Variants in ARHGEF26 observed in about 807,000 individuals in gnomAD.
ARHGEF26 encodes the protein Rho guanine nucleotide exchange factor (GEF) 26.
ARHGEF26 carries 59 observed loss-of-function variants against 89.4 expected under a neutral mutation model. The ratio of observed to expected loss-of-function variants is 0.66; its 90% CI spans 0.54 to 0.82. The LOEUF is 0.82. Among genes scored for constraint, ARHGEF26 ranks in the 40% least tolerant of loss-of-function variants. The pLI, the probability that ARHGEF26 is intolerant of heterozygous loss-of-function variation, is 0.00. For missense variants in ARHGEF26, 1,234 were observed against 1,085.6 expected, an observed-to-expected ratio of 1.14 and a Z score of -1.92; for synonymous variants, 500 against 428.4, an observed-to-expected ratio of 1.17 and a Z score of -2.06.
In ARHGEF26 at chr3:154,254,105, CG is replaced by C. The variant is rs369214811; in HGVS notation, c.2369-611del. ...TAATTTTTTGTATTTTTAGTAGAGA[CG>C]GGGTTTCACCGTGTTAGCCAGGATG... is the stretch of plus-strand genomic sequence containing the variant. On this transcript the variant is annotated intron_variant, in intron 13 of 14. Coordinates refer to ENST00000465093, the MANE Select transcript of ARHGEF26 (RefSeq NM_015595.4). Among the ~76,000 whole-genome samples the C allele has an allele frequency of 1.5e-3, 228 of 152,164 alleles. 1 individual carries two copies. The highest frequency in any genetic ancestry group is 5.4e-3 in the African/African-American group (224 of 41,522).
intron 4 of ARHGEF26, among the ~76,000 whole-genome samples, 168 bp downstream of exon 4, chr3:154,129,887 A>C (rs1401669628): frequency 6.6e-6 from 1 of 152,228 alleles, no homozygotes; most frequent in African/African-American, 2.4e-5. Flanking sequence ...TAATGAGAAC[A>C]TGAACTTTGA....
chr3:154,143,156 GTTTATTA>G (rs968171971), intron 4 of ARHGEF26, among the ~76,000 whole-genome samples: 2 of 152,086 alleles, frequency 1.3e-5, no homozygotes, highest in African/African-American at 4.8e-5. Flanking sequence ...GCCAAGACAT[GTTTATTA>G]CAGAAAAATC....
chr3:154,155,818 A>G (rs1402567362), intron 6 of ARHGEF26, among the ~76,000 whole-genome samples: 3 of 151,970 alleles, frequency 2.0e-5, no homozygotes, highest in Non-Finnish European at 2.9e-5. Context: ...AGGAAAACTG[A>G]AGGAAAATTC....
intron 6 of ARHGEF26, among the ~76,000 whole-genome samples, chr3:154,160,281 G>C (rs1178724042): frequency 6.6e-6 from 1 of 152,104 alleles, no homozygotes; most frequent in African/African-American, 2.4e-5. Flanking sequence ...TGGAGTAATA[G>C]TAAAAGAAAT....
intron 4 of ARHGEF26, among the ~76,000 whole-genome samples, chr3:154,135,257 C>A (rs1008949423): frequency 6.6e-6 from 1 of 152,000 alleles, no homozygotes; most frequent in Non-Finnish European, 1.5e-5. Context: ...TTTCAGAAAT[C>A]GTGATTGGTC....
intron 5 of ARHGEF26, among the ~76,000 whole-genome samples, chr3:154,151,512 C>T (rs1720016284): frequency 6.6e-6 from 1 of 152,012 alleles, no homozygotes; most frequent in Non-Finnish European, 1.5e-5. Flanking sequence ...TTCTTTAATT[C>T]GCTTTGTGTA....
At chr3:154,157,167 TAAAACA>T (rs10522283) in intron 6 of ARHGEF26, among the ~76,000 whole-genome samples, 28,640 of 151,982 alleles carry the variant, frequency 0.19, 3,172 homozygotes, top group South Asian at 0.43. Context: ...TTTCTTCTTT[TAAAACA>T]TTTCTCATTT....
At chr3:154,226,982 T>G (rs77941116) in intron 11 of ARHGEF26, among the ~76,000 whole-genome samples, 1,634 of 152,280 alleles carry the variant, frequency 0.011, 24 homozygotes, top group African/African-American at 0.037. Flanking sequence ...TCAGGCATAT[T>G]TAATTAAATG....
chr3:154,231,676 C>A (rs979696760), intron 11 of ARHGEF26, among the ~76,000 whole-genome samples: 1 of 152,086 alleles, frequency 6.6e-6, no homozygotes, highest in African/African-American at 2.4e-5. Context: ...TGATTTTAAA[C>A]CTTTACGTAA....
chr3:154,190,086 C>T (rs1292095713), intron 7 of ARHGEF26, among the ~76,000 whole-genome samples: 3 of 152,058 alleles, frequency 2.0e-5, no homozygotes, highest in Non-Finnish European at 4.4e-5. Flanking sequence ...CATGGGAGTA[C>T]AATATCCATC....
chr3:154,204,797 A>AT (rs1377879548), intron 9 of ARHGEF26, among the ~76,000 whole-genome samples: 2 of 152,004 alleles, frequency 1.3e-5, no homozygotes, highest in African/African-American at 2.4e-5. Flanking sequence ...TCAGGAGCAT[A>AT]TTTTTTAATT....
At position 154,122,416 on chromosome 3, in the gene ARHGEF26, C is replaced by T; in HGVS notation, c.424C>T (p.Pro142Ser). ...GACCTTGCCTGCGCCGCCGCCGCCG[C>T]CGGTTCTGCGCCCCCCGCGGACTCC... is the stretch of plus-strand genomic sequence containing the variant. ...AVTLPAPPPP[P>S]VLRPPRTPNA... is the part of the protein sequence containing the mutation. Residue 142 changes from proline (P) to serine (S), a missense_variant, in exon 2 of 15, where the codon CCG becomes TCG. By Grantham distance (74) the Pro-to-Ser change is moderately conservative (BLOSUM62 -1). Transcript: ENST00000465093. The T allele has an allele frequency of 6.2e-7, 1 of 1,610,794 alleles. No individual in the cohort carries two copies. The highest frequency in any genetic ancestry group is 8.5e-7 in the Non-Finnish European group (1 of 1,178,884).
At chr3:154,252,785 C>T (rs1718238110) in intron 12 of ARHGEF26, among the ~76,000 whole-genome samples, 1 of 152,162 alleles carries the variant, frequency 6.6e-6, no homozygotes, top group Non-Finnish European at 1.5e-5. Context: ...AAATGTTAAA[C>T]ATCAAATTAT....
intron 6 of ARHGEF26, among the ~76,000 whole-genome samples, chr3:154,153,463 T>G (rs990913142): frequency 5.3e-5 from 8 of 152,102 alleles, no homozygotes; most frequent in African/African-American, 1.4e-4. Context: ...TTTGCTTAAT[T>G]TTTTTCCAAG....
intron 6 of ARHGEF26, among the ~76,000 whole-genome samples, chr3:154,174,261 GA>G (rs956043683): frequency 2.0e-5 from 3 of 152,180 alleles, no homozygotes; most frequent in African/African-American, 7.2e-5. Flanking sequence ...TGATGTTTCA[GA>G]AAAAGTGGGA....
intron 6 of ARHGEF26, among the ~76,000 whole-genome samples, chr3:154,165,345 A>AT (rs1191257892): frequency 2.6e-5 from 4 of 152,160 alleles, no homozygotes; most frequent in Admixed American, 1.3e-4. Flanking sequence ...AGATCAGGAT[A>AT]TCATTTTATT....
At chr3:154,172,147 A>G (rs1403604560) in intron 6 of ARHGEF26, among the ~76,000 whole-genome samples, 1 of 152,214 alleles carries the variant, frequency 6.6e-6, no homozygotes, top group Non-Finnish European at 1.5e-5. Context: ...TCAGGGTGTC[A>G]TCAGTGTAAA....
chr3:154,155,756 A>G (rs1720303247), intron 6 of ARHGEF26, among the ~76,000 whole-genome samples: 1 of 148,272 alleles, frequency 6.7e-6, no homozygotes, highest in Admixed American at 6.7e-5. Flanking sequence ...TAACAAAAGT[A>G]TAATGTAGTT....
intron 11 of ARHGEF26, among the ~76,000 whole-genome samples, chr3:154,232,952 G>A (rs926610051): frequency 3.3e-5 from 5 of 151,486 alleles, no homozygotes; most frequent in Admixed American, 6.6e-5. Flanking sequence ...CTCAGCCTCC[G>A]GAGTAGCTGG....
Sources: gnomAD v4.1 joint callset for allele counts (sites outside exome capture counted in the v4.1 genomes callset) on GRCh38, gnomAD v4.1.1 for gene constraint, MANE v1.5 for transcripts, NCBI Gene and HGNC (gene_info 2026-07-23, HGNC 2026-07-21) for gene names.